Variants in ELAVL2 observed in about 807,000 individuals in gnomAD.
The protein encoded by ELAVL2 is ELAV-like protein 2.
Under a neutral mutation model 34.6 loss-of-function variants are expected in ELAVL2, and 4 were observed. The observed-to-expected ratio is 0.12, with a 90% CI of 0.06 to 0.26. The LOEUF is 0.26. Ranked by LOEUF, ELAVL2 falls within the 10% of genes least tolerant of loss-of-function variation. ELAVL2 has a pLI of 1.00. For missense variants in ELAVL2, 432 were observed against 442.8 expected (o/e 0.98, Z 0.22); for synonymous variants, 193 against 154.8 (o/e 1.25, Z -1.83).
the ELAVL2 span, among the ~76,000 whole-genome samples, chr9:23,837,953 T>C: frequency 6.6e-6 from 1 of 152,294 alleles, no homozygotes; most frequent in African/African-American, 2.4e-5. Flanking sequence ...ATATAAGATG[T>C]CCTTGGCTGT....
At chr9:23,699,635 A>C (rs1367612568) in intron 5 of ELAVL2, among the ~76,000 whole-genome samples, 1 of 152,020 alleles carries the variant, frequency 6.6e-6, no homozygotes, top group Non-Finnish European at 1.5e-5. Flanking sequence ...AATTTAAAAA[A>C]GTATATTTAT....
At chr9:23,772,614 A>G (rs564515393) in intron 1 of ELAVL2, among the ~76,000 whole-genome samples, 1 of 151,956 alleles carries the variant, frequency 6.6e-6, no homozygotes, top group South Asian at 2.1e-4. Flanking sequence ...AGGAGGCTAC[A>G]AATAAAGGGA....
chr9:23,726,753 C>A (rs999105141), intron 3 of ELAVL2, among the ~76,000 whole-genome samples: 4 of 152,068 alleles, frequency 2.6e-5, no homozygotes, highest in Admixed American at 6.6e-5. Context: ...AAGTCTGACA[C>A]CGTTAACCTA....
chr9:23,692,450 C>T lies in ELAVL2; in HGVS notation c.*107G>A. ...AGGATGCTAAGTAGTCATTTTATCC[C>T]CATCTCAACACTGACTTACAAAGAC... On this transcript the variant is annotated 3_prime_UTR_variant, in exon 7 of 7. Coordinates refer to ENST00000397312, the MANE Select transcript of ELAVL2 (RefSeq NM_004432.5). The T allele has an allele frequency of 4.3e-6, 5 of 1,155,854 alleles. No homozygotes were observed. In the South Asian group the frequency reaches 5.3e-5, roughly 12 times the overall value. The allele number at this position is 1,155,854 out of a possible 1,614,324, so 71.6% of individuals were successfully genotyped here.
At position 23,701,996 on chromosome 9, in the gene ELAVL2, G is replaced by T. The variant is rs150939697; in HGVS notation, c.488-392C>A. Among the ~76,000 whole-genome samples the T allele has an allele frequency of 7.2e-5, 11 of 152,252 alleles. No individual in the cohort carries two copies. In the East Asian group the frequency reaches 1.9e-3, roughly 27 times the overall value. ...TATTGGATAAGCAGCTCAGAAATGA[G>T]GGACACAGTAGTTCCTGTCCTTGAA... On this transcript the variant is annotated intron_variant, in intron 4 of 6. Transcript: ENST00000397312.
At chr9:23,813,412 CTTTT>C (rs559247550) in intron 1 of ELAVL2, among the ~76,000 whole-genome samples, 52 of 132,868 alleles carry the variant, frequency 3.9e-4, no homozygotes, top group African/African-American at 1.3e-3. Context: ...CTCATATCGG[CTTTT>C]TTTTTTTTTT....
At chr9:23,726,852 A>G (rs1420988648) in intron 3 of ELAVL2, among the ~76,000 whole-genome samples, 1 of 152,118 alleles carries the variant, frequency 6.6e-6, no homozygotes, top group African/African-American at 2.4e-5. Context: ...AAATAAAATG[A>G]GTAGAGAAAG....
In ELAVL2 at chr9:23,808,495, G is replaced by A. The variant is rs2062544511; in HGVS notation, c.-16+17311C>T. Among the ~76,000 whole-genome samples, 4 of 152,036 alleles carry A rather than the reference G, an allele frequency of 2.6e-5. No individual in the cohort carries two copies. In the South Asian group the frequency reaches 8.3e-4, roughly 31 times the overall value. Reference sequence around the variant, plus strand: ...GCAAAATAATTGCTTTTAAAGTACTGGGGGGCAGAAAAGGCTGGATCAGCA... The same window carrying A: ...GCAAAATAATTGCTTTTAAAGTACTAGGGGGCAGAAAAGGCTGGATCAGCA... On this transcript the variant is annotated intron_variant, in intron 1 of 6. Transcript: ENST00000397312.
At chr9:23,793,254 TTCAAATAGGCTTTTA>T (rs2060529367) in intron 1 of ELAVL2, among the ~76,000 whole-genome samples, 1 of 152,184 alleles carries the variant, frequency 6.6e-6, no homozygotes, top group South Asian at 2.1e-4. Context: ...ACTGATTTTA[TTCAAATAGGCTTTTA>T]CCTCCACCAA....
At chr9:23,792,539 C>T (rs2060446109) in intron 1 of ELAVL2, among the ~76,000 whole-genome samples, 1 of 152,172 alleles carries the variant, frequency 6.6e-6, no homozygotes, top group Non-Finnish European at 1.5e-5. Flanking sequence ...CCAACATGCT[C>T]ATCTTTATAT....
chr9:23,733,108 T>C (rs548054967), intron 2 of ELAVL2, among the ~76,000 whole-genome samples: 8 of 149,624 alleles, frequency 5.3e-5, no homozygotes, highest in Non-Finnish European at 8.9e-5. Flanking sequence ...TCCTCCTGCA[T>C]CTTAGCAGCT....
intron 3 of ELAVL2, among the ~76,000 whole-genome samples, chr9:23,718,693 T>A (rs2042923878): frequency 6.6e-6 from 1 of 152,208 alleles, no homozygotes; most frequent in Admixed American, 6.5e-5. Context: ...TATGCAACTA[T>A]GAAAAATTTA....
At chr9:23,740,071 A>C (rs115284145) in intron 2 of ELAVL2, among the ~76,000 whole-genome samples, 1,849 of 151,176 alleles carry the variant, frequency 0.012, 32 homozygotes, top group African/African-American at 0.041. Flanking sequence ...TCTTGAACAC[A>C]TTTTTCTTAA....
Position 23,721,536 on chromosome 9 carries a change from T to C in ELAVL2, c.333+9486A>G, listed in dbSNP as rs117408807. 5.9e-3 allele frequency among the ~76,000 whole-genome samples: 900 copies of C among 152,312 alleles called. 5 individuals carry two copies. Among genetic ancestry groups the C allele is most frequent in the Non-Finnish European group, 9.5e-3 (645 of 68,034 alleles). The stretch of plus-strand genomic sequence containing the variant: ...CCAAGACTTACACCTCCAAGTCCTA[T>C]TGCAGCATTCAAAAGAGTTCTTCAC... On this transcript the variant is annotated intron_variant, in intron 3 of 6. Transcript: ENST00000397312.
chr9:23,735,107 A>C (rs1212738205), intron 2 of ELAVL2: 1 of 124,672 alleles, frequency 8.0e-6, no homozygotes, highest in Non-Finnish European at 1.8e-5. Context: ...AGGCTCTTCA[A>C]AAAAAAAAAA....
intron 1 of ELAVL2, among the ~76,000 whole-genome samples, chr9:23,795,886 A>G (rs2060859398): frequency 6.6e-6 from 1 of 152,028 alleles, no homozygotes; most frequent in African/African-American, 2.4e-5. Flanking sequence ...TTTAATATTG[A>G]CTCCTCTTCA....
At chr9:23,714,600 A>G (rs2041837030) in intron 3 of ELAVL2, among the ~76,000 whole-genome samples, 1 of 152,210 alleles carries the variant, frequency 6.6e-6, no homozygotes, top group Admixed American at 6.5e-5. Context: ...CACTACCTCA[A>G]TTCTCTTTTG....
chr9:23,808,863 A>G (rs1164307848), intron 1 of ELAVL2, among the ~76,000 whole-genome samples: 1 of 152,126 alleles, frequency 6.6e-6, no homozygotes, highest in Non-Finnish European at 1.5e-5. Flanking sequence ...AAAACTTAAC[A>G]AAGTCCCTGG....
chr9:23,708,635 AAAG>A (rs1480260160), intron 3 of ELAVL2, among the ~76,000 whole-genome samples: 1 of 152,172 alleles, frequency 6.6e-6, no homozygotes, highest in East Asian at 1.9e-4. Flanking sequence ...AAATTAGTTA[AAAG>A]TTATTCCACT....
Sources: allele counts gnomAD v4.1 joint callset (sites outside exome capture counted in the v4.1 genomes callset), GRCh38; gene constraint gnomAD v4.1.1; transcripts MANE v1.5; gene names NCBI Gene and HGNC (gene_info 2026-07-23, HGNC 2026-07-21).